The following ATP8A2 variants were observed in gnomAD, a reference collection of about 807,000 sequenced individuals.
ATP8A2 encodes the protein ATPase phospholipid transporting 8A2.
Under a neutral mutation model 165.6 loss-of-function variants are expected in ATP8A2, and 100 were observed. The ratio of observed to expected loss-of-function variants is 0.60; its 90% CI spans 0.51 to 0.71. The LOEUF is 0.71. Ranked by LOEUF, ATP8A2 falls within the 30% of genes least tolerant of loss-of-function variation. The pLI is 0.00. For missense variants in ATP8A2, 1,227 were observed against 1,479.5 expected (o/e 0.83, Z 2.80); for synonymous variants, 543 against 548.8 (o/e 0.99, Z 0.15).
rs529638408 is a variant in ATP8A2 at position 25,671,965 on chromosome 13, C to T, written c.2212-27208C>T. On this transcript the variant is annotated intron_variant, in intron 24 of 36. Coordinates refer to ENST00000381655, the MANE Select transcript of ATP8A2 (RefSeq NM_016529.6). ...ACGTGTGATGTCTCCCCCGGATGCC[C>T]GGCTTTAAAGTTTCTCTCTTTTGTA... Among the ~76,000 whole-genome samples the T allele has an allele frequency of 1.1e-4, 16 of 152,270 alleles. No individual in the cohort carries two copies. The East Asian group carries it at 1.5e-3, about 15-fold the overall frequency.
At chr13:25,481,171 G>GGGAGAGGGAGACCGTGC (rs1487184332) in intron 2 of ATP8A2, among the ~76,000 whole-genome samples, 1 of 145,938 alleles carries the variant, frequency 6.9e-6, no homozygotes, top group Non-Finnish European at 1.5e-5. Context: ...GGAGACCGTG[G>GGGAGAGGGAGACCGTGC]GGAGAGGGAG....
intron 24 of ATP8A2, among the ~76,000 whole-genome samples, chr13:25,612,200 C>T (rs913276398): frequency 4.6e-5 from 7 of 151,598 alleles, no homozygotes; most frequent in African/African-American, 1.7e-4. Context: ...GTTCTTGTTT[C>T]TCTGGTTCCT....
intron 33 of ATP8A2, among the ~76,000 whole-genome samples, chr13:25,887,225 C>G (rs1385247520): frequency 6.6e-6 from 1 of 152,144 alleles, no homozygotes; most frequent in Non-Finnish European, 1.5e-5. Flanking sequence ...TGGAAAGTCA[C>G]TTGAGATGCA....
intron 24 of ATP8A2, among the ~76,000 whole-genome samples, chr13:25,616,335 T>C (rs1455107955): frequency 3.5e-4 from 50 of 143,056 alleles, no homozygotes; most frequent in African/African-American, 1.2e-3. Context: ...TCTTTTTTTT[T>C]TTTTTTTTTT....
In ATP8A2 at chr13:25,748,698, A is replaced by T. The variant is rs1032883723; in HGVS notation, c.2385-20348A>T. ...GATGTTTCTGCTTCAGGGCCTGTTC[A>T]TCAACTAAAATGCTTTTAAGCCCCA... On this transcript the variant is annotated intron_variant, in intron 25 of 36. Transcript: ENST00000381655. Among the ~76,000 whole-genome samples, 10 of 152,202 alleles carry T rather than the reference A, an allele frequency of 6.6e-5. No homozygotes were observed. In the East Asian group the frequency reaches 1.5e-3, roughly 23 times the overall value.
rs532418762 is a variant in ATP8A2 at position 25,919,848 on chromosome 13, C to T, written c.3184-41727C>T. 3.3e-5 allele frequency among the ~76,000 whole-genome samples: 5 copies of T among 152,288 alleles called. No individual in the cohort carries two copies. The East Asian group carries it at 9.6e-4, about 29-fold the overall frequency. ...TGGTGCTGTCATAGCTCACTATAAC[C>T]TCGATCATAGCTCCCATAACCTTGA... On this transcript the variant is annotated intron_variant, in intron 33 of 36. Coordinates refer to ENST00000381655, the MANE Select transcript of ATP8A2 (RefSeq NM_016529.6).
intron 24 of ATP8A2, among the ~76,000 whole-genome samples, chr13:25,672,554 C>CT (rs1490955722): frequency 1.3e-5 from 2 of 152,152 alleles, no homozygotes; most frequent in Non-Finnish European, 2.9e-5. Context: ...CACCTTTGTT[C>CT]TTTTTTTAAA....
At chr13:25,403,341 C>A (rs190267293) in intron 1 of ATP8A2, among the ~76,000 whole-genome samples, 3 of 152,080 alleles carry the variant, frequency 2.0e-5, no homozygotes, top group Non-Finnish European at 4.4e-5. Context: ...TTTGTTACAG[C>A]GGGAGGAAGA....
chr13:25,932,977 G>C (rs550863543), intron 33 of ATP8A2, among the ~76,000 whole-genome samples: 1 of 152,294 alleles, frequency 6.6e-6, no homozygotes, highest in African/African-American at 2.4e-5. Context: ...CTCCCCAGTA[G>C]CTGGGAGTAC....
chr13:25,530,589 A>G lies in ATP8A2; in HGVS notation c.349A>G (p.Arg117Gly). ...QQIPDVSPTG[R>G]YTTLVPLIII... Reference sequence around the variant, plus strand: ...AATTCCAGATGTATCTCCAACAGGAAGATATACCACCCTGGTGCCATTGAT... The same window carrying G: ...AATTCCAGATGTATCTCCAACAGGAGGATATACCACCCTGGTGCCATTGAT... The change falls in exon 4 of 37, where the codon AGA becomes GGA. Residue 117 changes from arginine to glycine, a missense_variant. Around this residue, in one of 5 missense-constraint regions of ATP8A2, gnomAD observed 356 missense variants for 394.9 expected, o/e 0.90. Transcript: ENST00000381655. The G allele has an allele frequency of 6.3e-7, 1 of 1,589,232 alleles. No individual in the cohort carries two copies. The highest frequency in any genetic ancestry group is 2.2e-5 in the East Asian group (1 of 44,592).
At chr13:25,435,772 A>C (rs897835142) in intron 1 of ATP8A2, among the ~76,000 whole-genome samples, 1 of 152,184 alleles carries the variant, frequency 6.6e-6, no homozygotes. Flanking sequence ...AGAGGCCTGC[A>C]TAAGGAAAAT....
At chr13:25,522,386 G>A (rs1006630290) in intron 2 of ATP8A2, among the ~76,000 whole-genome samples, 7 of 151,958 alleles carry the variant, frequency 4.6e-5, no homozygotes, top group Admixed American at 2.6e-4. Context: ...TTTCCAGTTC[G>A]GATGCCCTTT....
intron 34 of ATP8A2, among the ~76,000 whole-genome samples, chr13:25,961,893 G>A (rs1027328177): frequency 2.6e-5 from 4 of 152,166 alleles, no homozygotes; most frequent in African/African-American, 4.8e-5. Flanking sequence ...GCATGGCAGC[G>A]CATAGCTCTA....
chr13:25,637,653 G>C (rs1056144203), intron 24 of ATP8A2, among the ~76,000 whole-genome samples: 1 of 152,168 alleles, frequency 6.6e-6, no homozygotes, highest in Admixed American at 6.5e-5. Flanking sequence ...AGGAGGCCTG[G>C]CTGCCTCTGT....
chr13:25,742,094 A>G (rs2043926088), intron 25 of ATP8A2, among the ~76,000 whole-genome samples: 1 of 152,202 alleles, frequency 6.6e-6, no homozygotes, highest in African/African-American at 2.4e-5. Context: ...CCTAGATGAG[A>G]TAGCCTACTA....
intron 1 of ATP8A2, among the ~76,000 whole-genome samples, chr13:25,462,190 A>AG (rs747835440): frequency 3.9e-5 from 6 of 152,214 alleles, no homozygotes; most frequent in Non-Finnish European, 8.8e-5. Flanking sequence ...GAGTTCACAG[A>AG]GAAATGTGTG....
chr13:25,692,972 A>G (rs779618108), intron 24 of ATP8A2, among the ~76,000 whole-genome samples: 9 of 152,224 alleles, frequency 5.9e-5, no homozygotes, highest in Non-Finnish European at 1.2e-4. Flanking sequence ...AAAGCAAAAT[A>G]CTAATTAAAG....
At chr13:25,611,570 C>G (rs1301097900) in intron 24 of ATP8A2, among the ~76,000 whole-genome samples, 1 of 152,094 alleles carries the variant, frequency 6.6e-6, no homozygotes. Context: ...AGGATGTTTG[C>G]ATCTATGTTC....
intron 33 of ATP8A2, among the ~76,000 whole-genome samples, chr13:25,914,980 T>G (rs1180147011): frequency 1.3e-5 from 2 of 152,212 alleles, no homozygotes; most frequent in African/African-American, 4.8e-5. Context: ...GGTTTCGCCA[T>G]GAAAGGTGTT....
Sources: allele counts gnomAD v4.1 joint callset (sites outside exome capture counted in the v4.1 genomes callset), GRCh38; gene constraint gnomAD v4.1.1; regional missense constraint gnomAD v4.1.1; transcripts MANE v1.5; gene names NCBI Gene and HGNC (gene_info 2026-07-23, HGNC 2026-07-21).